Variants in KCNN2 observed in about 807,000 individuals in gnomAD.
KCNN2 encodes small conductance calcium-activated potassium channel protein 2.
A neutral mutation model predicts 55.5 loss-of-function variants in KCNN2; 24 were observed. The ratio of observed to expected loss-of-function variants is 0.43; its 90% CI spans 0.31 to 0.61. KCNN2 has a LOEUF of 0.61. Ranked by LOEUF, KCNN2 falls within the 20% of genes least tolerant of loss-of-function variation. The probability of loss-of-function intolerance (pLI) is 0.08; values close to 1 mark genes in which losing one functional copy is unlikely to be tolerated. For missense variants in KCNN2, 754 were observed against 853.6 expected, an observed-to-expected ratio of 0.88 and a Z score of 1.45; for synonymous variants, 431 against 336.1, an observed-to-expected ratio of 1.28 and a Z score of -3.09.
rs866783718 is a variant in KCNN2, at chr5:114,327,948, T to A, written c.-184-32997T>A. ...ATGTGCTTGACATATTTATGCTCAC[T>A]CTACTTTCACCAGAAAACCTGTGGT... On this transcript the variant is annotated intron_variant, in intron 2 of 10. Transcript: ENST00000512097. Among the ~76,000 whole-genome samples, 25 of 152,352 alleles carry A rather than the reference T, an allele frequency of 1.6e-4. No homozygotes were observed. The Middle Eastern group carries it at 0.01, about 62-fold the overall frequency.
intron 5 of KCNN2, among the ~76,000 whole-genome samples, chr5:114,477,853 T>C (rs1006320971): frequency 3.9e-5 from 6 of 152,180 alleles, no homozygotes; most frequent in Admixed American, 3.3e-4. Context: ...ACTGTGGGTG[T>C]TGTTAATCTG....
intron 3 of KCNN2, among the ~76,000 whole-genome samples, chr5:114,452,385 T>A (rs1256300746): frequency 1.3e-5 from 2 of 152,228 alleles, no homozygotes; most frequent in Non-Finnish European, 2.9e-5. Context: ...GGTCTTTACA[T>A]CTGGTGTTCA....
intron 3 of KCNN2, among the ~76,000 whole-genome samples, chr5:114,406,345 TC>T (rs1758933492): frequency 3.3e-5 from 5 of 151,670 alleles, no homozygotes; most frequent in South Asian, 4.2e-4. Flanking sequence ...TTTTTTTTTT[TC>T]CCCGTATATA....
intron 3 of KCNN2, among the ~76,000 whole-genome samples, chr5:114,434,097 C>T (rs1163446211): frequency 2.0e-5 from 3 of 151,522 alleles, no homozygotes; most frequent in African/African-American, 7.3e-5. Flanking sequence ...TGTCTTCTGC[C>T]CTTCTTCTGA....
intron 1 of KCNN2, among the ~76,000 whole-genome samples, chr5:114,100,436 T>C (rs1379549238): frequency 6.6e-6 from 1 of 152,128 alleles, no homozygotes; most frequent in Non-Finnish European, 1.5e-5. Flanking sequence ...TTGAGTATTA[T>C]AGGATTAATC....
At chr5:114,330,482 C>A (rs968257588) in intron 2 of KCNN2, among the ~76,000 whole-genome samples, 1 of 152,208 alleles carries the variant, frequency 6.6e-6, no homozygotes, top group Non-Finnish European at 1.5e-5. Flanking sequence ...TACAACATAT[C>A]ATTCAGAGCT....
At chr5:114,441,065 T>A (rs1269807299) in intron 3 of KCNN2, among the ~76,000 whole-genome samples, 1 of 152,150 alleles carries the variant, frequency 6.6e-6, no homozygotes, top group Non-Finnish European at 1.5e-5. Context: ...ATAAAGATAG[T>A]GTTAAAAGCA....
intron 1 of KCNN2, among the ~76,000 whole-genome samples, chr5:114,091,753 C>G (rs1201326588): frequency 6.6e-6 from 1 of 152,100 alleles, no homozygotes; most frequent in East Asian, 1.9e-4. Context: ...AGAATGAACA[C>G]AGGATAAACA....
intron 2 of KCNN2, among the ~76,000 whole-genome samples, chr5:114,333,289 T>G (rs2150033846): frequency 6.6e-6 from 1 of 152,314 alleles, no homozygotes; most frequent in African/African-American, 2.4e-5. Context: ...GACAATAAGG[T>G]TGATGTGAAC....
At chr5:114,220,587 A>G (rs886414919) in intron 1 of KCNN2, among the ~76,000 whole-genome samples, 1 of 152,270 alleles carries the variant, frequency 6.6e-6, no homozygotes, top group African/African-American at 2.4e-5. Context: ...AAACAGACAA[A>G]TGAGACTTAA....
chr5:114,135,890 G>C lies in KCNN2; in HGVS notation c.-271+79390G>C, dbSNP rs2954375. On this transcript the variant is annotated intron_variant, in intron 1 of 10. Transcript: ENST00000512097. ...AGCTCTTGGAAATTAATATATACGTGTGGAAAATTGGAGATAAAAGAAATG... is the reference window on the plus strand; with the variant it reads ...AGCTCTTGGAAATTAATATATACGTCTGGAAAATTGGAGATAAAAGAAATG... 5.7e-3 allele frequency among the ~76,000 whole-genome samples: 874 copies of C among 152,244 alleles called. 9 individuals carry two copies. Among genetic ancestry groups the C allele is most frequent in the African/African-American group, 0.02 (821 of 41,546 alleles).
intron 1 of KCNN2, among the ~76,000 whole-genome samples, chr5:114,175,070 C>T (rs565770494): frequency 6.6e-6 from 1 of 152,256 alleles, no homozygotes; most frequent in East Asian, 1.9e-4. Flanking sequence ...TTATTCTCAG[C>T]ATGTTATGAC....
chr5:114,214,275 G>C (rs925303839), intron 1 of KCNN2, among the ~76,000 whole-genome samples: 1 of 151,938 alleles, frequency 6.6e-6, no homozygotes, highest in African/African-American at 2.4e-5. Context: ...TAGAGAATGA[G>C]CATGGTTGTG....
chr5:114,337,066 G>A (rs555126319), intron 2 of KCNN2, among the ~76,000 whole-genome samples: 1 of 152,128 alleles, frequency 6.6e-6, no homozygotes, highest in Non-Finnish European at 1.5e-5. Context: ...GAATATATTA[G>A]AGGTTGGCAG....
chr5:114,362,870 A>G lies in KCNN2; in HGVS notation c.731A>G (p.Gln244Arg). The change falls in exon 1 of 8, where the codon CAG becomes CGG. Residue 244 changes from glutamine (Q) to arginine (R), a missense_variant. Gln to Arg is a conservative substitution (Grantham distance 43, BLOSUM62 1). This residue lies in a region of KCNN2 where 381 missense variants were observed against 259.1 expected (regional missense o/e 1.47). Coordinates refer to ENST00000673685, the MANE Select transcript of KCNN2 (RefSeq NM_021614.4). ...RNLHEMDSEA[Q>R]PLQPPASVGG... ...CTGCACGAGATGGACTCAGAGGCGCAGCCCCTGCAGCCCCCCGCGTCTGTC... is the reference window on the plus strand; with the variant it reads ...CTGCACGAGATGGACTCAGAGGCGCGGCCCCTGCAGCCCCCCGCGTCTGTC... The G allele has an allele frequency of 6.3e-7, 1 of 1,598,746 alleles. No homozygotes were observed. The highest frequency in any genetic ancestry group is 8.5e-7 in the Non-Finnish European group (1 of 1,178,652).
intron 1 of KCNN2, among the ~76,000 whole-genome samples, chr5:114,166,956 C>T (rs1290795085): frequency 6.6e-6 from 1 of 152,124 alleles, no homozygotes; most frequent in African/African-American, 2.4e-5. Context: ...GGTCCCTCAT[C>T]AGACAGCGGA....
chr5:114,102,040 C>T (rs1751382925), intron 1 of KCNN2, among the ~76,000 whole-genome samples: 1 of 152,138 alleles, frequency 6.6e-6, no homozygotes, highest in African/African-American at 2.4e-5. Context: ...CTAATTTACA[C>T]TCCCACCAAC....
chr5:114,121,837 C>A (rs1751835986), intron 1 of KCNN2, among the ~76,000 whole-genome samples: 2 of 152,196 alleles, frequency 1.3e-5, no homozygotes. Context: ...TTTACCCCCA[C>A]CTGGGTGGCT....
chr5:114,171,543 A>G (rs566206542), intron 1 of KCNN2, among the ~76,000 whole-genome samples: 5 of 151,984 alleles, frequency 3.3e-5, no homozygotes, highest in African/African-American at 1.2e-4. Flanking sequence ...ACACAGACCC[A>G]CAGTATATGT....
Sources: gnomAD v4.1 joint callset for allele counts (sites outside exome capture counted in the v4.1 genomes callset) on GRCh38, gnomAD v4.1.1 for gene constraint, gnomAD v4.1.1 regional missense constraint, MANE v1.5 for transcripts, NCBI Gene and HGNC (gene_info 2026-07-23, HGNC 2026-07-21) for gene names.